The following APC2 variants were observed in gnomAD, a reference collection of about 807,000 sequenced individuals.
APC2 encodes the protein APC regulator of Wnt signaling pathway 2, also known as adenomatous polyposis coli protein 2.
Under a neutral mutation model 72.5 loss-of-function variants are expected in APC2, and 41 were observed. The observed-to-expected ratio is 0.57, with a 90% CI of 0.44 to 0.73. APC2 has a LOEUF of 0.73. Ranked by LOEUF, APC2 falls within the 30% of genes least tolerant of loss-of-function variation. The pLI, the probability that APC2 is intolerant of heterozygous loss-of-function variation, is 0.00. For synonymous variants in APC2, 1,898 were observed against 1,612.0 expected (o/e 1.18, Z -4.25); for missense variants, 3,729 against 3,403.4 (o/e 1.10, Z -2.38).
At position 1,456,081 on chromosome 19, in the gene APC2, C is replaced by T. The variant is rs1429799485; in HGVS notation, c.645C>T (p.Arg215=). 8 of 1,574,150 alleles carry T rather than the reference C, an allele frequency of 5.1e-6. No homozygotes were observed. The African/African-American group carries it at 8.1e-5, about 16-fold the overall frequency. ...SDEMVQRAQI[R]ASRLEQIDKE... The stretch of plus-strand genomic sequence containing the variant: ...CCTCGTGTGGTCCTGAGCAGATCCG[C>T]GCCTCGCGCCTGGAGCAGATTGACA... The change falls in exon 7 of 15, where the codon CGC becomes CGT. Residue 215 remains arginine, a synonymous_variant. Coordinates refer to ENST00000590469, the MANE Select transcript of APC2 (RefSeq NM_005883.3).
intron 4 of APC2, among the ~76,000 whole-genome samples, 199 bp from the exon 5 acceptor site, chr19:1,454,950 T>C (rs1287085452): frequency 6.6e-6 from 1 of 151,480 alleles, no homozygotes; most frequent in African/African-American, 2.4e-5. Context: ...TTCTCTCCTT[T>C]AATTTTTTTG....
Position 1,467,271 on chromosome 19 carries a change from G to A in APC2, c.3970G>A (p.Gly1324Arg). Reference protein sequence around the residue: ...HFAGHRRREEGPAPTGSRPRG... With the variant: ...HFAGHRRREERPAPTGSRPRG... ...TGCAGGGCACCGGCGGCGGGAGGAG[G>A]GGCCGGCGCCCACGGGTTCTCGCCC... The change falls in exon 15 of 15, where the codon GGG becomes AGG. Residue 1324 changes from glycine to arginine, a missense_variant. By Grantham distance (125) the Gly-to-Arg change is moderately radical. Transcript: ENST00000590469. 1 of 1,305,496 alleles carries A rather than the reference G, an allele frequency of 7.7e-7. No homozygotes were observed. Among genetic ancestry groups the A allele is most frequent in the African/African-American group, 1.5e-5 (1 of 64,714 alleles). 80.9% of individuals were successfully genotyped at this position (1,305,496 alleles called of 1,614,324 possible). A position where few individuals can be genotyped will look rare whatever the true frequency, so the allele number is the denominator to read the frequency against.
In APC2 at chr19:1,455,386, G is replaced by A. The variant is rs933805250; in HGVS notation, c.525G>A (p.Gln175=). ...GCCCGCCCGCCTGCCTTTGCCAGCAGTTCTCGATGCAGATGGACCTGATCC... is the reference window on the plus strand; with the variant it reads ...GCCCGCCCGCCTGCCTTTGCCAGCAATTCTCGATGCAGATGGACCTGATCC... The part of the protein sequence containing the change: ...RLDELPHVET[Q]FSMQMDLIRQ... Residue 175 remains glutamine (Q), a splice_region_variant and synonymous_variant, in exon 6 of 15, where the codon CAG becomes CAA. Coordinates refer to ENST00000590469, the MANE Select transcript of APC2 (RefSeq NM_005883.3). 6.2e-7 allele frequency: 1 copy of A among 1,608,720 alleles called. No individual in the cohort carries two copies. The highest frequency in any genetic ancestry group is 8.5e-7 in the Non-Finnish European group (1 of 1,178,128).
chr19:1,450,202 C>T lies in APC2; in HGVS notation c.-155C>T. 1.0e-6 allele frequency: 1 copy of T among 985,376 alleles called. No individual in the cohort carries two copies. The highest frequency in any genetic ancestry group is 4.7e-5 in the South Asian group (1 of 21,294). 61.0% of individuals were successfully genotyped at this position (985,376 alleles called of 1,614,324 possible). ...GGCTTTGTCCGCCCCGGAGCCCCTG[C>T]CCGCGCCGCGGAGACCCCGGAGCCC... is the stretch of plus-strand genomic sequence containing the variant. On this transcript the variant is annotated 5_prime_UTR_variant, in exon 1 of 15. Coordinates refer to ENST00000590469, the MANE Select transcript of APC2 (RefSeq NM_005883.3).
rs1306679109 is a variant in APC2, at chr19:1,467,861, G to A, written c.4560G>A (p.Ala1520=). The A allele has an allele frequency of 7.1e-6, 11 of 1,550,522 alleles. No individual in the cohort carries two copies. The highest frequency in any genetic ancestry group is 8.6e-6 in the Non-Finnish European group (10 of 1,157,248). Residue 1520 remains alanine, a synonymous_variant, in exon 15 of 15, where the codon GCG becomes GCA. Transcript: ENST00000590469. ...YGNDSDEEPP[A]AAPTPTHRRT... ...ACGACTCGGACGAGGAGCCCCCGGCGGCCGCGCCCACGCCAACCCACCGGC... is the reference window on the plus strand; with the variant it reads ...ACGACTCGGACGAGGAGCCCCCGGCAGCCGCGCCCACGCCAACCCACCGGC...
rs370041546 is a variant in APC2, at chr19:1,464,255, G to A, written c.1854-900G>A. Among the ~76,000 whole-genome samples the A allele has an allele frequency of 1.8e-4, 27 of 151,844 alleles. No individual in the cohort carries two copies. In the East Asian group the frequency reaches 4.9e-3, roughly 27 times the overall value. Reference sequence around the variant, plus strand: ...ACCCAGGAGGTGGAGGTTGCAGTGAGCGGAGATCATGCCACTGCACTCCAG... The same window carrying A: ...ACCCAGGAGGTGGAGGTTGCAGTGAACGGAGATCATGCCACTGCACTCCAG... On this transcript the variant is annotated intron_variant, in intron 14 of 14. Transcript: ENST00000590469.
Position 1,457,966 on chromosome 19 carries a change from C to T in APC2, c.1209C>T (p.Ala403=). The change falls in exon 10 of 15, where the codon GCC becomes GCT. Residue 403 remains alanine, a splice_region_variant and synonymous_variant. Transcript: ENST00000590469. ...GGPEGGGAGS[A]PIPIEPQICQ... ...CTGATCTGGTCCCTGTGCCCACAGC[C>T]CCGATCCCCATCGAGCCGCAGATCT... 6.4e-7 allele frequency: 1 copy of T among 1,553,452 alleles called. No individual in the cohort carries two copies. Among genetic ancestry groups the T allele is most frequent in the Non-Finnish European group, 8.7e-7 (1 of 1,149,044 alleles).
Position 1,453,149 on chromosome 19 carries a change from G to T in APC2, c.141+7G>T. 1.3e-6 allele frequency: 2 copies of T among 1,596,806 alleles called. No homozygotes were observed. The highest frequency in any genetic ancestry group is 1.1e-5 in the South Asian group (1 of 88,782). ...AGAGACGTCGGGCATGAAGGTGGGGGCCTACATGGAGGAGGTGGGCTAGGG... is the reference window on the plus strand; with the variant it reads ...AGAGACGTCGGGCATGAAGGTGGGGTCCTACATGGAGGAGGTGGGCTAGGG... On this transcript the variant is annotated splice_region_variant and intron_variant, in intron 2 of 14. Transcript: ENST00000590469.
chr19:1,456,147 G>T lies in APC2; in HGVS notation c.711G>T (p.Glu237Asp). Residue 237 changes from glutamate to aspartate, a missense_variant, in exon 7 of 15, where the codon GAG becomes GAT. Transcript: ENST00000590469. ...LEAQDRVQQTEPQALLAVKSV... is the reference protein window; with the variant it reads ...LEAQDRVQQTDPQALLAVKSV... The stretch of plus-strand genomic sequence containing the variant: ...CGCAGGACCGAGTGCAGCAGACGGA[G>T]CCCCAGGTACCGGGTGGGGCAGAGC... The T allele has an allele frequency of 6.3e-7, 1 of 1,589,346 alleles. No individual in the cohort carries two copies.
Position 1,467,198 on chromosome 19 carries a change from G to T in APC2, c.3897G>T (p.Ser1299=). ...QQDVELRLLP[S]ACPERGGGAG... is the part of the protein sequence containing the mutation. ...ACGTGGAGCTGCGGCTGCTGCCCTCGGCCTGCCCCGAGCGCGGCGGGGGCG... is the reference window on the plus strand; with the variant it reads ...ACGTGGAGCTGCGGCTGCTGCCCTCTGCCTGCCCCGAGCGCGGCGGGGGCG... Residue 1299 remains serine, a synonymous_variant, in exon 15 of 15, where the codon TCG becomes TCT. Transcript: ENST00000590469. 6.9e-7 allele frequency: 1 copy of T among 1,457,120 alleles called. No homozygotes were observed. Among genetic ancestry groups the T allele is most frequent in the South Asian group, 1.5e-5 (1 of 67,350 alleles). The allele number at this position is 1,457,120 out of a possible 1,614,324, so 90.3% of individuals were successfully genotyped here.
intron 9 of APC2, chr19:1,457,694 T>C: frequency 1.8e-6 from 1 of 547,972 alleles, no homozygotes; most frequent in East Asian, 3.2e-5. Context: ...CGAGACCCTG[T>C]CTCGTCAGTT....
At position 1,469,408 on chromosome 19, in the gene APC2, T is replaced by A; in HGVS notation, c.6107T>A (p.Val2036Asp). Residue 2036 changes from valine (V) to aspartate (D), a missense_variant, in exon 15 of 15, where the codon GTC becomes GAC. Transcript: ENST00000590469. ...PRRGRPALPAVFLCSSRCEEL... is the reference protein window; with the variant it reads ...PRRGRPALPADFLCSSRCEEL... ...CGCGGCCGGCCCGCGCTGCCCGCCG[T>A]CTTCCTCTGCTCCTCGCGCTGCGAA... 8.3e-7 allele frequency: 1 copy of A among 1,203,126 alleles called. No homozygotes were observed. Among genetic ancestry groups the A allele is most frequent in the Non-Finnish European group, 1.0e-6 (1 of 970,828 alleles). The allele number at this position is 1,203,126 out of a possible 1,614,324, so 74.5% of individuals were successfully genotyped here. A position where few individuals can be genotyped will look rare whatever the true frequency, so the allele number is the denominator to read the frequency against.
chr19:1,453,758 A>C, intron 4 of APC2, 147 bp downstream of exon 4: 2 of 1,132,214 alleles, frequency 1.8e-6, no homozygotes, highest in Non-Finnish European at 2.5e-6. Context: ...CCCACCGAAC[A>C]ACCCCGCCCA....
At position 1,471,545 on chromosome 19, in the gene APC2, C is replaced by CTT. The variant is rs1385914102; in HGVS notation, c.*1332_*1333insTT. 1.3e-5 allele frequency: 2 copies of CTT among 152,240 alleles called. No homozygotes were observed. The highest frequency in any genetic ancestry group is 2.9e-5 in the Non-Finnish European group (2 of 68,058). The allele number at this position is 152,240 out of a possible 1,614,324, so 9.4% of individuals were successfully genotyped here. On this transcript the variant is annotated 3_prime_UTR_variant, in exon 15 of 15. Coordinates refer to ENST00000590469, the MANE Select transcript of APC2 (RefSeq NM_005883.3). ...GGTGGGACTCGCAGGGGCCGGGTCT[C>CTT]CGTGACTGGGGCAACGCCTCGTCCT...
intron 5 of APC2, 43 bp from the exon 6 acceptor site, chr19:1,455,341 C>T (rs1247351029): frequency 3.8e-6 from 6 of 1,596,390 alleles, no homozygotes; most frequent in Non-Finnish European, 5.1e-6. Context: ...CGGGGCCTGG[C>T]CCGGGCGCCC....
Position 1,467,763 on chromosome 19 carries a change from C to T in APC2, c.4462C>T (p.Arg1488Cys), listed in dbSNP as rs774662474. 189 of 1,432,108 alleles carry T rather than the reference C, an allele frequency of 1.3e-4. No homozygotes were observed. Among genetic ancestry groups the T allele is most frequent in the Non-Finnish European group, 1.0e-4 (113 of 1,099,020 alleles). The allele number at this position is 1,432,108 out of a possible 1,614,324, so 88.7% of individuals were successfully genotyped here. A position where few individuals can be genotyped will look rare whatever the true frequency, so the allele number is the denominator to read the frequency against. The change falls in exon 15 of 15, where the codon CGC (arginine) becomes TGC (cysteine). Residue 1488 changes from arginine to cysteine, a missense_variant. Transcript: ENST00000590469. Reference sequence around the variant, plus strand: ...GGACGGCTCAAAGCCCGGCCGGACCCGCGGGGACGGGGCGCTCCAGTCGCT... The same window carrying T: ...GGACGGCTCAAAGCCCGGCCGGACCTGCGGGGACGGGGCGCTCCAGTCGCT... ...DKDGSKPGRT[R>C]GDGALQSLCL...
In APC2 at chr19:1,467,436, G is replaced by A. The variant is rs771853821; in HGVS notation, c.4135G>A (p.Ala1379Thr). 7.4e-6 allele frequency: 11 copies of A among 1,477,118 alleles called. 1 individual carries two copies. In the South Asian group the frequency reaches 7.7e-5, roughly 10 times the overall value. 91.5% of individuals were successfully genotyped at this position (1,477,118 alleles called of 1,614,324 possible). Residue 1379 changes from alanine (A) to threonine (T), a missense_variant, in exon 15 of 15, where the codon GCC becomes ACC. Transcript: ENST00000590469. ...LPVPVYMLVP[A>T]PAPAQEDDSC... ...CGTGCCCGTCTACATGTTGGTGCCC[G>A]CCCCGGCCCCGGCCCAGGAGGACGA...
chr19:1,462,682 T>G lies in APC2; in HGVS notation c.1853+505T>G, dbSNP rs577524953. Among the ~76,000 whole-genome samples the G allele has an allele frequency of 1.0e-4, 12 of 118,540 alleles. 1 individual carries two copies. The South Asian group carries it at 3.0e-3, about 30-fold the overall frequency. The allele number at this position is 118,540 out of a possible 152,430, so 77.8% of individuals were successfully genotyped here. A position where few individuals can be genotyped will look rare whatever the true frequency, so the allele number is the denominator to read the frequency against. Reference sequence around the variant, plus strand: ...AAAAAAAAAAAAAAAAAAAAAAAAATTCAGGCAGCCAGGCGCAGTGGCTCA... The same window carrying G: ...AAAAAAAAAAAAAAAAAAAAAAAAAGTCAGGCAGCCAGGCGCAGTGGCTCA... On this transcript the variant is annotated intron_variant, in intron 14 of 14. Coordinates refer to ENST00000590469, the MANE Select transcript of APC2 (RefSeq NM_005883.3).
In APC2 at chr19:1,470,865, G is replaced by C. The variant is rs1327043910; in HGVS notation, c.*652G>C. On this transcript the variant is annotated 3_prime_UTR_variant, in exon 15 of 15. Coordinates refer to ENST00000590469, the MANE Select transcript of APC2 (RefSeq NM_005883.3). Reference sequence around the variant, plus strand: ...AGGGAACCCGGAGCCCAAGCGCTCCGGCGGAGCCCAAAAGGGTGGGGGTGG... The same window carrying C: ...AGGGAACCCGGAGCCCAAGCGCTCCCGCGGAGCCCAAAAGGGTGGGGGTGG... 1.3e-5 allele frequency: 2 copies of C among 152,264 alleles called. No homozygotes were observed. Among genetic ancestry groups the C allele is most frequent in the Non-Finnish European group, 2.9e-5 (2 of 68,048 alleles). The allele number at this position is 152,264 out of a possible 1,614,324, so 9.4% of individuals were successfully genotyped here.
Sources: allele counts gnomAD v4.1 joint callset (sites outside exome capture counted in the v4.1 genomes callset), GRCh38; gene constraint gnomAD v4.1.1; transcripts MANE v1.5; gene names NCBI Gene and HGNC (gene_info 2026-07-23, HGNC 2026-07-21).